Variants in RFX7 observed in about 807,000 individuals in gnomAD.
RFX7 encodes the protein DNA-binding protein RFX7.
Under a neutral mutation model 111.8 loss-of-function variants are expected in RFX7, and 26 were observed. That is an observed-to-expected ratio of 0.23 (90% CI 0.17 to 0.32). The LOEUF is 0.32. Among genes scored for constraint, RFX7 ranks in the 10% least tolerant of loss-of-function variants. The pLI, the probability that RFX7 is intolerant of heterozygous loss-of-function variation, is 1.00. For missense variants in RFX7, 1,573 were observed against 1,772.9 expected, an observed-to-expected ratio of 0.89 and a Z score of 2.02; for synonymous variants, 624 against 624.4, an observed-to-expected ratio of 1.00 and a Z score of 0.01.
At chr15:56,155,670 G>A (rs534556925) in intron 3 of RFX7, among the ~76,000 whole-genome samples, 7 of 152,206 alleles carry the variant, frequency 4.6e-5, no homozygotes, top group South Asian at 2.1e-4. Flanking sequence ...TGTAGGTGAC[G>A]GGTTGATAGG....
intron 2 of RFX7, among the ~76,000 whole-genome samples, chr15:56,204,105 C>T (rs2043225754): frequency 6.9e-6 from 1 of 144,402 alleles, no homozygotes; most frequent in African/African-American, 2.6e-5. Context: ...ATTGTAACTT[C>T]TACCTCCCGG....
At chr15:56,171,059 A>G (rs2042840497) in intron 3 of RFX7, among the ~76,000 whole-genome samples, 1 of 152,200 alleles carries the variant, frequency 6.6e-6, no homozygotes, top group South Asian at 2.1e-4. Flanking sequence ...GAAAGACTAG[A>G]AGCAGAAAAA....
chr15:56,175,387 TC>T (rs1253393387), intron 3 of RFX7, among the ~76,000 whole-genome samples: 2 of 152,108 alleles, frequency 1.3e-5, no homozygotes, highest in African/African-American at 4.8e-5. Context: ...CCAATAAAAA[TC>T]CAAGTAGAAC....
At chr15:56,197,232 A>C (rs1419707844) in intron 2 of RFX7, among the ~76,000 whole-genome samples, 1 of 151,912 alleles carries the variant, frequency 6.6e-6, no homozygotes, top group Non-Finnish European at 1.5e-5. Flanking sequence ...TTATTATTTT[A>C]TTTACTAATA....
At chr15:56,163,762 C>T (rs1169343849) in intron 3 of RFX7, among the ~76,000 whole-genome samples, 4 of 152,116 alleles carry the variant, frequency 2.6e-5, no homozygotes. Flanking sequence ...TTTTTGCTTT[C>T]TATTGGCTGG....
intron 2 of RFX7, among the ~76,000 whole-genome samples, chr15:56,199,719 C>A (rs2043176325): frequency 6.6e-6 from 1 of 152,018 alleles, no homozygotes; most frequent in Non-Finnish European, 1.5e-5. Context: ...AGGAAGAATT[C>A]CAATTCTGCA....
At position 56,243,618 on chromosome 15, in the gene RFX7, A is replaced by C; in HGVS notation, c.-176T>G. On this transcript the variant is annotated 5_prime_UTR_variant, in exon 1 of 10. Transcript: ENST00000559447. ...GCGGCCGGGGCTGTGGGGGGGTGAG[A>C]TGGGGGCGTTTGAAGACGAAGTGGG... is the stretch of plus-strand genomic sequence containing the variant. 4.4e-6 allele frequency: 1 copy of C among 228,434 alleles called. No homozygotes were observed. 14.2% of individuals were successfully genotyped at this position (228,434 alleles called of 1,614,324 possible).
intron 2 of RFX7, among the ~76,000 whole-genome samples, chr15:56,232,794 A>G (rs748095296): frequency 2.3e-4 from 35 of 152,202 alleles, no homozygotes; most frequent in Non-Finnish European, 5.0e-4. Flanking sequence ...AAATGCTGCC[A>G]GTATCTTTGC....
At chr15:56,105,262 A>G (rs1456505817) in intron 5 of RFX7, among the ~76,000 whole-genome samples, 1 of 152,100 alleles carries the variant, frequency 6.6e-6, no homozygotes, top group African/African-American at 2.4e-5. Context: ...CATGTTCCCT[A>G]TCAGTGTAAT....
At position 56,093,171 on chromosome 15, in the gene RFX7, C is replaced by A; in HGVS notation, c.*174G>T. 1.7e-6 allele frequency: 1 copy of A among 574,826 alleles called. No homozygotes were observed. The highest frequency in any genetic ancestry group is 2.8e-5 in the East Asian group (1 of 35,716). 35.6% of individuals were successfully genotyped at this position (574,826 alleles called of 1,614,324 possible). A position where few individuals can be genotyped will look rare whatever the true frequency, so the allele number is the denominator to read the frequency against. On this transcript the variant is annotated 3_prime_UTR_variant, in exon 10 of 10. Coordinates refer to ENST00000559447, the MANE Select transcript of RFX7 (RefSeq NM_022841.7). ...TTCTACAGCCTACTGTCTTTAGACA[C>A]TTGTTAAGAACTGAGGCAAGTCTAA...
At chr15:56,099,509 G>GCATT (rs1164182229) in intron 8 of RFX7, among the ~76,000 whole-genome samples, 1 of 152,104 alleles carries the variant, frequency 6.6e-6, no homozygotes, top group African/African-American at 2.4e-5. Context: ...CTCTGCCAAT[G>GCATT]GCTCATAGCT....
At chr15:56,217,874 G>T (rs1272340644) in intron 2 of RFX7, among the ~76,000 whole-genome samples, 1 of 152,054 alleles carries the variant, frequency 6.6e-6, no homozygotes, top group Non-Finnish European at 1.5e-5. Context: ...TTTTACCTTT[G>T]ATTTTTATTA....
rs575702656 is a variant in RFX7 at position 56,090,916 on chromosome 15, C to T, written c.*2429G>A. ...ATGCAAAATGTTTTAAACATCAAAA[C>T]AATAAAAATAATCTGGAACAGAACA... On this transcript the variant is annotated 3_prime_UTR_variant, in exon 10 of 10. Coordinates refer to ENST00000559447, the MANE Select transcript of RFX7 (RefSeq NM_022841.7). The T allele has an allele frequency of 6.6e-6, 1 of 152,352 alleles. No homozygotes were observed. The highest frequency in any genetic ancestry group is 2.1e-4 in the South Asian group (1 of 4,832). The allele number at this position is 152,352 out of a possible 1,614,324, so 9.4% of individuals were successfully genotyped here. A position where few individuals can be genotyped will look rare whatever the true frequency, so the allele number is the denominator to read the frequency against.
intron 3 of RFX7, among the ~76,000 whole-genome samples, chr15:56,165,560 C>T (rs1270896131): frequency 6.6e-6 from 1 of 152,152 alleles, no homozygotes; most frequent in East Asian, 1.9e-4. Flanking sequence ...CCTAGTAGAG[C>T]TGACTTAATT....
chr15:56,119,769 T>G (rs1375360665), intron 5 of RFX7, among the ~76,000 whole-genome samples: 3 of 144,470 alleles, frequency 2.1e-5, no homozygotes, highest in Non-Finnish European at 4.5e-5. Context: ...AGAGTGACAC[T>G]GTGTCTCAAA....
chr15:56,135,332 T>C (rs1162849310), intron 5 of RFX7, among the ~76,000 whole-genome samples: 2 of 152,214 alleles, frequency 1.3e-5, no homozygotes, highest in Admixed American at 6.5e-5. Context: ...TGGTATCTCA[T>C]TGTAGTTTTG....
chr15:56,101,624 G>T, intron 7 of RFX7, 58 bp from the exon 8 acceptor site: 1 of 1,415,508 alleles, frequency 7.1e-7, no homozygotes. Context: ...TTAAATTGAA[G>T]CATGTTAAAG....
In RFX7 at chr15:56,090,803, AC is replaced by A. The variant is rs2041587519; in HGVS notation, c.*2541del. On this transcript the variant is annotated 3_prime_UTR_variant, in exon 10 of 10. Transcript: ENST00000559447. Reference sequence around the variant, plus strand: ...AACCTCAGAAGCACTGCACAAAAAAACACTTTCCTTCTTTTCAGTTCAAAAG... The same window carrying A: ...AACCTCAGAAGCACTGCACAAAAAAAACTTTCCTTCTTTTCAGTTCAAAAG... The A allele has an allele frequency of 6.6e-6, 1 of 152,598 alleles. No homozygotes were observed. The allele number at this position is 152,598 out of a possible 1,614,324, so 9.5% of individuals were successfully genotyped here. A position where few individuals can be genotyped will look rare whatever the true frequency, so the allele number is the denominator to read the frequency against.
At chr15:56,150,094 G>A (rs1383876668) in intron 3 of RFX7, among the ~76,000 whole-genome samples, 2 of 152,182 alleles carry the variant, frequency 1.3e-5, no homozygotes, top group African/African-American at 4.8e-5. Flanking sequence ...CACAGCCACA[G>A]GATAAACAAA....
Sources: gnomAD v4.1 joint callset for allele counts (sites outside exome capture counted in the v4.1 genomes callset) on GRCh38, gnomAD v4.1.1 for gene constraint, MANE v1.5 for transcripts, NCBI Gene and HGNC (gene_info 2026-07-23, HGNC 2026-07-21) for gene names.